SCN3B: variants seen among roughly 807,000 people sequenced by gnomAD.
SCN3B encodes the protein sodium channel regulatory subunit beta-3.
Under a neutral mutation model 25.4 loss-of-function variants are expected in SCN3B, and 11 were observed. That is an observed-to-expected ratio of 0.43 (90% CI 0.27 to 0.72). The LOEUF (loss-of-function observed/expected upper bound fraction) is 0.72, where lower values mean the gene tolerates loss of function less well. Among genes scored for constraint, SCN3B ranks in the 30% least tolerant of loss-of-function variants. SCN3B has a pLI of 0.18. For synonymous variants in SCN3B, 109 were observed against 110.7 expected (o/e 0.99, Z 0.09); for missense variants, 218 against 278.3 (o/e 0.78, Z 1.54).
chr11:123,633,975 G>A, intron 6 of SCN3B, 146 bp downstream of exon 6: 1 of 663,704 alleles, frequency 1.5e-6, no homozygotes, highest in Non-Finnish European at 2.8e-6. Flanking sequence ...CTGACTTAAA[G>A]AATTACCCTG....
chr11:123,650,689 A>G (rs930383709), intron 2 of SCN3B, among the ~76,000 whole-genome samples: 1 of 152,180 alleles, frequency 6.6e-6, no homozygotes, highest in Non-Finnish European at 1.5e-5. Context: ...GCGATTGTGC[A>G]TAGTAGCACA....
chr11:123,653,739 G>A lies in SCN3B; in HGVS notation c.55+8C>T. The A allele has an allele frequency of 6.2e-7, 1 of 1,614,090 alleles. No homozygotes were observed. Among genetic ancestry groups the A allele is most frequent in the Non-Finnish European group, 8.5e-7 (1 of 1,179,928 alleles). On this transcript the variant is annotated splice_region_variant and intron_variant, in intron 2 of 6. Transcript: ENST00000299333. Reference sequence around the variant, plus strand: ...CTGCATCCGGCATGGCGAGGTGCTGGTACTTACCCCAGTAGATAAGCACGA... The same window carrying A: ...CTGCATCCGGCATGGCGAGGTGCTGATACTTACCCCAGTAGATAAGCACGA...
At chr11:123,634,586 C>G (rs1441211916) in intron 5 of SCN3B, among the ~76,000 whole-genome samples, 1 of 152,084 alleles carries the variant, frequency 6.6e-6, no homozygotes, top group Non-Finnish European at 1.5e-5. Flanking sequence ...ACAAAAAATA[C>G]AAAAAACTAG....
At chr11:123,652,595 G>A (rs976516839) in intron 2 of SCN3B, among the ~76,000 whole-genome samples, 3 of 152,224 alleles carry the variant, frequency 2.0e-5, no homozygotes, top group East Asian at 1.9e-4. Flanking sequence ...CACATGCCTC[G>A]TTTCAGGGAG....
rs1955751029 is a variant in SCN3B at position 123,638,217 on chromosome 11, A to C, written c.553T>G (p.Ser185Ala). 6.2e-7 allele frequency: 1 copy of C among 1,614,034 alleles called. No homozygotes were observed. The change falls in exon 5 of 7, where the codon TCA (serine) becomes GCA (alanine). Residue 185 changes from serine (S) to alanine (A), a missense_variant. Transcript: ENST00000299333. Reference sequence around the variant, plus strand: ...TCTTGGGCTGCCTCTTCGGCTTTTGAGACCTTTCTGTAGCAATATATCATC... The same window carrying C: ...TCTTGGGCTGCCTCTTCGGCTTTTGCGACCTTTCTGTAGCAATATATCATC... ...IEMIYCYRKV[S>A]KAEEAAQENA...
intron 2 of SCN3B, among the ~76,000 whole-genome samples, chr11:123,650,788 T>C (rs570258807): frequency 6.6e-6 from 1 of 151,988 alleles, no homozygotes; most frequent in Non-Finnish European, 1.5e-5. Context: ...TTCCCCGAGC[T>C]CATTTTCTCA....
At chr11:123,644,850 C>CAT (rs1591347673) in intron 3 of SCN3B, among the ~76,000 whole-genome samples, 1 of 142,210 alleles carries the variant, frequency 7.0e-6, no homozygotes, top group Non-Finnish European at 1.5e-5. Flanking sequence ...TACACACACA[C>CAT]ATATATACAC....
At chr11:123,653,899 CT>C in intron 1 of SCN3B, 73 bp from the exon 2 acceptor site, 1 of 1,418,356 alleles carries the variant, frequency 7.1e-7, no homozygotes, top group Non-Finnish European at 1.0e-6. Context: ...TTGGGACGAA[CT>C]GCCCCCAGGG....
At chr11:123,644,179 C>G (rs1020751020) in intron 3 of SCN3B, among the ~76,000 whole-genome samples, 9 of 152,220 alleles carry the variant, frequency 5.9e-5, no homozygotes, top group Admixed American at 4.6e-4. Flanking sequence ...GCCTCAGTTT[C>G]CTCATTTCTG....
At chr11:123,644,766 TGAGAGAGAGA>T (rs371690210) in intron 3 of SCN3B, among the ~76,000 whole-genome samples, 4 of 94,666 alleles carry the variant, frequency 4.2e-5, no homozygotes, top group African/African-American at 1.5e-4. Context: ...GAGACCCCGT[TGAGAGAGAGA>T]GAGAGAGAGA....
intron 3 of SCN3B, among the ~76,000 whole-genome samples, chr11:123,645,045 C>T (rs1403461504): frequency 2.0e-5 from 3 of 151,768 alleles, no homozygotes; most frequent in Admixed American, 6.6e-5. Context: ...TTAGGAGACT[C>T]GGCACAGCAA....
At chr11:123,643,258 T>C (rs960076079) in intron 3 of SCN3B, among the ~76,000 whole-genome samples, 4 of 152,220 alleles carry the variant, frequency 2.6e-5, no homozygotes, top group South Asian at 4.1e-4. Flanking sequence ...TGCTGAAGCA[T>C]GGCAGATGAG....
intron 2 of SCN3B, among the ~76,000 whole-genome samples, chr11:123,650,787 C>T (rs544993895): frequency 1.3e-4 from 20 of 152,158 alleles, no homozygotes; most frequent in Middle Eastern, 3.4e-3. Flanking sequence ...CTTCCCCGAG[C>T]TCATTTTCTC....
At position 123,642,716 on chromosome 11, in the gene SCN3B, G is replaced by T; in HGVS notation, c.220-45C>A. The T allele has an allele frequency of 6.8e-7, 1 of 1,479,444 alleles. No individual in the cohort carries two copies. The highest frequency in any genetic ancestry group is 9.4e-7 in the Non-Finnish European group (1 of 1,061,938). 91.6% of individuals were successfully genotyped at this position (1,479,444 alleles called of 1,614,324 possible). A position where few individuals can be genotyped will look rare whatever the true frequency, so the allele number is the denominator to read the frequency against. ...AGAGGGTAGGGCCAGGAAAGGAGATGGCAGTGGGGGGAAGCCGAGTTAGGG... is the reference window on the plus strand; with the variant it reads ...AGAGGGTAGGGCCAGGAAAGGAGATTGCAGTGGGGGGAAGCCGAGTTAGGG... On this transcript the variant is annotated intron_variant, in intron 3 of 6. Coordinates refer to ENST00000299333, the MANE Select transcript of SCN3B (RefSeq NM_001040151.2). This position sits in a 1 kb window ranked among gnomAD's most constrained non-coding sequence, Gnocchi z 4.3.
rs541381597 is a variant in SCN3B, at chr11:123,631,448, A to T, written c.*2351T>A. On this transcript the variant is annotated 3_prime_UTR_variant, in exon 7 of 7. Coordinates refer to ENST00000299333, the MANE Select transcript of SCN3B (RefSeq NM_001040151.2). ...ATATCCTCTCCCTTATTTCAGAGGG[A>T]TTGTGTGGAAAATTACCAATAAGAA... The T allele has an allele frequency of 6.6e-6, 1 of 152,140 alleles. No individual in the cohort carries two copies. The highest frequency in any genetic ancestry group is 1.5e-5 in the Non-Finnish European group (1 of 68,028). The allele number at this position is 152,140 out of a possible 1,614,324, so 9.4% of individuals were successfully genotyped here. A position where few individuals can be genotyped will look rare whatever the true frequency, so the allele number is the denominator to read the frequency against.
At chr11:123,640,345 G>GCCAGGAGGT (rs1422867278) in intron 4 of SCN3B, 2 of 152,220 alleles carry the variant, frequency 1.3e-5, no homozygotes, top group Non-Finnish European at 2.9e-5. Flanking sequence ...CTGCCTTAGG[G>GCCAGGAGGT]CCAGGAGGTG....
intron 2 of SCN3B, among the ~76,000 whole-genome samples, chr11:123,648,521 C>T (rs1280189434): frequency 6.6e-6 from 1 of 152,098 alleles, no homozygotes; most frequent in Non-Finnish European, 1.5e-5. Context: ...AGAAAAGAAT[C>T]CCTGTTTTAT....
rs1480974646 is a variant in SCN3B at position 123,631,284 on chromosome 11, G to A, written c.*2515C>T. On this transcript the variant is annotated 3_prime_UTR_variant, in exon 7 of 7. Transcript: ENST00000299333. ...ACTGCCGGGTTCAACTTAGATACAC[G>A]AGCTATTGGGCCACCGAGGAAAACG... 2 of 151,992 alleles carry A rather than the reference G, an allele frequency of 1.3e-5. No individual in the cohort carries two copies. The highest frequency in any genetic ancestry group is 2.9e-5 in the Non-Finnish European group (2 of 68,016). The allele number at this position is 151,992 out of a possible 1,614,324, so 9.4% of individuals were successfully genotyped here. A position where few individuals can be genotyped will look rare whatever the true frequency, so the allele number is the denominator to read the frequency against.
At chr11:123,649,817 C>T (rs1333843463) in intron 2 of SCN3B, among the ~76,000 whole-genome samples, 1 of 152,042 alleles carries the variant, frequency 6.6e-6, no homozygotes, top group Non-Finnish European at 1.5e-5. Context: ...GATTCTCCTG[C>T]CTCAGCCCCC....
Sources: allele counts gnomAD v4.1 joint callset (sites outside exome capture counted in the v4.1 genomes callset), GRCh38; gene constraint gnomAD v4.1.1; non-coding constraint Gnocchi (gnomAD v3.1); transcripts MANE v1.5; gene names NCBI Gene and HGNC (gene_info 2026-07-23, HGNC 2026-07-21).